The following TNNT3 variants were observed in gnomAD, a reference collection of about 807,000 sequenced individuals.
TNNT3 encodes the protein troponin T, fast skeletal muscle.
Under a neutral mutation model 54.2 loss-of-function variants are expected in TNNT3, and 36 were observed. The observed-to-expected ratio is 0.66, with a 90% CI of 0.51 to 0.88. The LOEUF (loss-of-function observed/expected upper bound fraction) is 0.88, where lower values mean the gene tolerates loss of function less well. Among genes scored for constraint, TNNT3 ranks in the 40% least tolerant of loss-of-function variants. The pLI is 0.00. For missense variants in TNNT3, 291 were observed against 331.6 expected (o/e 0.88, Z 0.95); for synonymous variants, 120 against 109.7 (o/e 1.09, Z -0.59).
At chr11:1,937,329 C>T (rs951861513) in intron 15 of TNNT3, among the ~76,000 whole-genome samples, 3 of 152,098 alleles carry the variant, frequency 2.0e-5, no homozygotes, top group East Asian at 1.9e-4. Context: ...AGGGGCTACT[C>T]GGGGGGCCTT....
chr11:1,937,087 G>A (rs1029028957), intron 15 of TNNT3, 84 bp downstream of exon 15: 69 of 1,420,186 alleles, frequency 4.9e-5, no homozygotes, highest in Non-Finnish European at 5.6e-5. Flanking sequence ...AACAAGGGCC[G>A]GTGGTGGCTG....
intron 5 of TNNT3, chr11:1,925,499 G>A (rs1006933510): frequency 8.2e-5 from 51 of 623,498 alleles, no homozygotes; most frequent in Non-Finnish European, 7.4e-5. Context: ...AGCCCCCCAG[G>A]CAGTAGGGCC....
At chr11:1,925,160 C>A (rs746358726) in intron 5 of TNNT3, 44 bp downstream of exon 5, 1 of 1,604,300 alleles carries the variant, frequency 6.2e-7, no homozygotes, top group South Asian at 1.1e-5. Context: ...CACTCCCCAG[C>A]CTTCCCGCCC....
At chr11:1,933,525 G>A (rs375474519) in intron 9 of TNNT3, among the ~76,000 whole-genome samples, 196 bp from the exon 10 acceptor site, 1 of 152,300 alleles carries the variant, frequency 6.6e-6, no homozygotes, top group East Asian at 1.9e-4. Flanking sequence ...GGCCACCCTC[G>A]GCCCCTATGA....
Position 1,934,817 on chromosome 11 carries a change from C to G in TNNT3, c.591-12C>G. 2 of 1,612,988 alleles carry G rather than the reference C, an allele frequency of 1.2e-6. No individual in the cohort carries two copies. Among genetic ancestry groups the G allele is most frequent in the East Asian group, 2.2e-5 (1 of 44,882 alleles). On this transcript the variant is annotated splice_polypyrimidine_tract_variant and intron_variant, in intron 13 of 15. Transcript: ENST00000278317. ...CTTATTCAACGAAGCCTCACCACTTCCTCTGCCCCAGGGACAAGGCCAAGG... is the reference window on the plus strand; with the variant it reads ...CTTATTCAACGAAGCCTCACCACTTGCTCTGCCCCAGGGACAAGGCCAAGG...
intron 13 of TNNT3, 24 bp from the exon 14 acceptor site, chr11:1,934,805 G>C (rs1564829962): frequency 1.2e-6 from 2 of 1,611,832 alleles, no homozygotes; most frequent in Non-Finnish European, 1.7e-6. Flanking sequence ...ATTCAACGAA[G>C]CCTCACCACT....
chr11:1,932,607 A>G lies in TNNT3; in HGVS notation c.171+93A>G, dbSNP rs368104209. Reference sequence around the variant, plus strand: ...CTCAGAAGGTCACTTCCTCCCAAGTAGCCAGAGCCGGGGCCTCCTGGGTCT... The same window carrying G: ...CTCAGAAGGTCACTTCCTCCCAAGTGGCCAGAGCCGGGGCCTCCTGGGTCT... On this transcript the variant is annotated intron_variant, in intron 9 of 15. Coordinates refer to ENST00000278317, the MANE Select transcript of TNNT3 (RefSeq NM_006757.4). 1.1e-4 allele frequency: 154 copies of G among 1,340,618 alleles called. No individual in the cohort carries two copies. The East Asian group carries it at 1.7e-3, about 15-fold the overall frequency. The allele number at this position is 1,340,618 out of a possible 1,614,324, so 83.0% of individuals were successfully genotyped here.
intron 15 of TNNT3, 130 bp from the exon 16 acceptor site, chr11:1,938,308 G>A (rs902375110): frequency 1.0e-4 from 103 of 1,011,072 alleles, no homozygotes; most frequent in African/African-American, 9.8e-4. Context: ...GGTGTGGGCC[G>A]CAAGCTTGGG....
rs1415801591 is a variant in TNNT3, at chr11:1,929,045, C to G, written c.83-75C>G. 7 of 1,562,424 alleles carry G rather than the reference C, an allele frequency of 4.5e-6. No homozygotes were observed. In the East Asian group the frequency reaches 6.7e-5, roughly 15 times the overall value. On this transcript the variant is annotated intron_variant, in intron 6 of 15. Coordinates refer to ENST00000278317, the MANE Select transcript of TNNT3 (RefSeq NM_006757.4). ...GTGGGCCCCTTGCCCGCCACAGGCC[C>G]CTTGCCCACTGCTCCCCCGCAGCCG...
rs1853678515 is a variant in TNNT3, at chr11:1,932,475, T to G, written c.132T>G (p.Thr44=). 1 of 1,613,840 alleles carries G rather than the reference T, an allele frequency of 6.2e-7. No homozygotes were observed. Among genetic ancestry groups the G allele is most frequent in the African/African-American group, 1.3e-5 (1 of 75,020 alleles). Residue 44 remains threonine, a synonymous_variant, in exon 9 of 16, where the codon ACT becomes ACG. Transcript: ENST00000278317. The part of the protein sequence containing the change: ...AEEEKPRPKL[T]APKIPEGEKV... ...CTCTCTGTCTCCTCTTCAGACTCAC[T>G]GCTCCTAAGATCCCAGAAGGGGAGA...
In TNNT3 at chr11:1,934,933, C is replaced by A. The variant is rs886038573; in HGVS notation, c.681+14C>A. 3.7e-6 allele frequency: 6 copies of A among 1,612,398 alleles called. No homozygotes were observed. The Admixed American group carries it at 5.0e-5, about 13-fold the overall frequency. Reference sequence around the variant, plus strand: ...CAGAAATATGACGTGAGTCCCGGCACCTCCGGCCCTGGGGCCCTAGCGGCT... The same window carrying A: ...CAGAAATATGACGTGAGTCCCGGCAACTCCGGCCCTGGGGCCCTAGCGGCT... On this transcript the variant is annotated intron_variant, in intron 14 of 15. Coordinates refer to ENST00000278317, the MANE Select transcript of TNNT3 (RefSeq NM_006757.4).
rs112098715 is a variant in TNNT3, at chr11:1,936,286, C to T, written c.682-677C>T. 1.8e-3 allele frequency: 2,883 copies of T among 1,611,344 alleles called. 12 individuals are homozygous for T. The highest frequency in any genetic ancestry group is 1.6e-3 in the Non-Finnish European group (1,915 of 1,178,116). On this transcript the variant is annotated intron_variant, in intron 14 of 15. Transcript: ENST00000278317. ...AGCCGGGTCCGCCCTGGGCCAGGCC[C>T]GTGGGTGTGCGTTGCACGGTGAGGT...
At chr11:1,937,032 A>C in intron 15 of TNNT3, 29 bp downstream of exon 15, 1 of 1,574,016 alleles carries the variant, frequency 6.4e-7, no homozygotes. Context: ...CTCGCTCCGC[A>C]CTGGGCACAG....
At chr11:1,925,138 G>A (rs779773464) in intron 5 of TNNT3, 22 bp downstream of exon 5, 20 of 1,611,572 alleles carry the variant, frequency 1.2e-5, no homozygotes, top group African/African-American at 4.0e-5. Context: ...CCAAGGCCCC[G>A]GCCCCCATGC....
rs757778789 is a variant in TNNT3, at chr11:1,929,802, T to G, written c.107-8T>G. On this transcript the variant is annotated splice_polypyrimidine_tract_variant and splice_region_variant and intron_variant, in intron 7 of 15. Coordinates refer to ENST00000278317, the MANE Select transcript of TNNT3 (RefSeq NM_006757.4). ...TCCCTCTCCCTACGCTGGTGCTGTG[T>G]GGACCAGAGGAGAAACCGAGACCCA... 2 of 1,551,656 alleles carry G rather than the reference T, an allele frequency of 1.3e-6. No individual in the cohort carries two copies. Among genetic ancestry groups the G allele is most frequent in the East Asian group, 2.4e-5 (1 of 40,914 alleles).
chr11:1,922,771 G>T, intron 1 of TNNT3, 86 bp from the exon 2 acceptor site: 6 of 1,385,888 alleles, frequency 4.3e-6, no homozygotes, highest in Non-Finnish European at 6.1e-6. Flanking sequence ...GCTGCTCCAA[G>T]ACCCCATCCC....
At chr11:1,919,934 C>T (rs1849710457) in intron 1 of TNNT3, among the ~76,000 whole-genome samples, 172 bp downstream of exon 1, 1 of 152,216 alleles carries the variant, frequency 6.6e-6, no homozygotes, top group East Asian at 1.9e-4. Flanking sequence ...CAGGTGGCTG[C>T]TCCAGCGTCC....
chr11:1,923,425 T>G, intron 3 of TNNT3, 130 bp from the exon 4 acceptor site: 1 of 1,012,720 alleles, frequency 9.9e-7, no homozygotes. Context: ...GGACCCCTGA[T>G]TCCACGCTCT....
intron 7 of TNNT3, 100 bp from the exon 8 acceptor site, chr11:1,929,710 G>T: frequency 7.3e-7 from 1 of 1,368,008 alleles, no homozygotes. Context: ...TTCAGTGAAG[G>T]GGAACCCAGG....
Sources: gnomAD v4.1 joint callset for allele counts (sites outside exome capture counted in the v4.1 genomes callset) on GRCh38, gnomAD v4.1.1 for gene constraint, MANE v1.5 for transcripts, NCBI Gene and HGNC (gene_info 2026-07-23, HGNC 2026-07-21) for gene names.